The following SLC9A9 variants were observed in gnomAD, a reference collection of about 807,000 sequenced individuals.
SLC9A9 encodes the protein solute carrier family 9 member A9.
A neutral mutation model predicts 77.8 loss-of-function variants in SLC9A9; 62 were observed. The observed-to-expected ratio is 0.80, with a 90% CI of 0.65 to 0.98. SLC9A9 has a LOEUF of 0.98. Among genes scored for constraint, SLC9A9 ranks in the 50% least tolerant of loss-of-function variants. SLC9A9 has a pLI of 0.00. For synonymous variants in SLC9A9, 320 were observed against 283.5 expected, an observed-to-expected ratio of 1.13 and a Z score of -1.29; for missense variants, 775 against 774.9, an observed-to-expected ratio of 1.00 and a Z score of 0.00.
At chr3:143,804,426 C>G (rs1397962216) in intron 2 of SLC9A9, among the ~76,000 whole-genome samples, 1 of 152,178 alleles carries the variant, frequency 6.6e-6, no homozygotes, top group Non-Finnish European at 1.5e-5. Flanking sequence ...AAACCTCCCC[C>G]TCTAAGCAGT....
At chr3:143,766,052 C>T (rs2007302987) in intron 4 of SLC9A9, among the ~76,000 whole-genome samples, 1 of 152,158 alleles carries the variant, frequency 6.6e-6, no homozygotes, top group Non-Finnish European at 1.5e-5. Flanking sequence ...AGAAGAATCA[C>T]CCAGCAGAGC....
intron 6 of SLC9A9, among the ~76,000 whole-genome samples, chr3:143,616,380 A>G (rs1321259234): frequency 6.6e-6 from 1 of 152,174 alleles, no homozygotes; most frequent in Non-Finnish European, 1.5e-5. Context: ...AAGCTTTTTA[A>G]AAACATCCCC....
intron 9 of SLC9A9, among the ~76,000 whole-genome samples, chr3:143,549,937 A>G (rs1007712609): frequency 2.6e-5 from 4 of 152,140 alleles, no homozygotes; most frequent in African/African-American, 9.7e-5. Context: ...CTGAAAGACT[A>G]TATGTTGGAG....
chr3:143,602,440 C>G (rs993913094), intron 6 of SLC9A9, among the ~76,000 whole-genome samples: 1 of 152,160 alleles, frequency 6.6e-6, no homozygotes, highest in African/African-American at 2.4e-5. Flanking sequence ...GTCAATTGCT[C>G]GAAACATTCA....
intron 1 of SLC9A9, among the ~76,000 whole-genome samples, chr3:143,839,277 A>T (rs529611623): frequency 6.6e-6 from 1 of 152,330 alleles, no homozygotes; most frequent in Admixed American, 6.5e-5. Flanking sequence ...ATGATTTCAG[A>T]ACAGGTCTGG....
At chr3:143,742,665 A>G (rs1935101620) in intron 4 of SLC9A9, among the ~76,000 whole-genome samples, 1 of 152,228 alleles carries the variant, frequency 6.6e-6, no homozygotes, top group Admixed American at 6.5e-5. Context: ...CCTGGGACAG[A>G]AAAAGAACAC....
intron 5 of SLC9A9, among the ~76,000 whole-genome samples, chr3:143,690,125 C>G (rs1933412680): frequency 6.6e-6 from 1 of 151,652 alleles, no homozygotes; most frequent in African/African-American, 2.4e-5. Context: ...TAAAAATAAC[C>G]ACAATAAAAT....
At chr3:143,404,971 C>T (rs1179148615) in intron 12 of SLC9A9, among the ~76,000 whole-genome samples, 1 of 152,194 alleles carries the variant, frequency 6.6e-6, no homozygotes, top group Non-Finnish European at 1.5e-5. Flanking sequence ...GTCAGAAAGT[C>T]TTTTCCTCTT....
intron 5 of SLC9A9, among the ~76,000 whole-genome samples, chr3:143,670,652 C>A (rs1439334442): frequency 6.6e-5 from 10 of 152,144 alleles, no homozygotes; most frequent in Admixed American, 2.0e-4. Flanking sequence ...GTACAGGAGA[C>A]CTTAAGCTTT....
chr3:143,653,578 T>TA (rs145006266), intron 5 of SLC9A9, among the ~76,000 whole-genome samples: 3,074 of 152,262 alleles, frequency 0.02, 42 homozygotes, highest in South Asian at 0.045. Flanking sequence ...GAAGGTTTTA[T>TA]AAGTAGGATT....
At chr3:143,317,785 T>C (rs2031270299) in intron 14 of SLC9A9, among the ~76,000 whole-genome samples, 1 of 152,196 alleles carries the variant, frequency 6.6e-6, no homozygotes. Flanking sequence ...TGGAGTGCAG[T>C]GGAGTGATCT....
intron 5 of SLC9A9, among the ~76,000 whole-genome samples, chr3:143,662,408 C>T (rs912263301): frequency 3.3e-5 from 5 of 152,236 alleles, no homozygotes; most frequent in African/African-American, 1.2e-4. Flanking sequence ...CAGGTGATTT[C>T]TGCATTTCCA....
At chr3:143,724,725 G>A (rs976974618) in intron 4 of SLC9A9, among the ~76,000 whole-genome samples, 1 of 152,208 alleles carries the variant, frequency 6.6e-6, no homozygotes, top group Admixed American at 6.5e-5. Flanking sequence ...AGAGTCTAAT[G>A]TGTTAAACAC....
chr3:143,786,859 T>C (rs2008071950), intron 4 of SLC9A9, among the ~76,000 whole-genome samples: 1 of 152,104 alleles, frequency 6.6e-6, no homozygotes, highest in Non-Finnish European at 1.5e-5. Context: ...GCTCTGCTGT[T>C]TTGCAGCTGG....
chr3:143,460,889 T>C (rs899622601), intron 12 of SLC9A9, among the ~76,000 whole-genome samples: 3 of 152,200 alleles, frequency 2.0e-5, no homozygotes, highest in African/African-American at 7.2e-5. Flanking sequence ...AATATTTAGA[T>C]TTATGAAATG....
chr3:143,847,038 T>C (rs1479847799), intron 1 of SLC9A9, among the ~76,000 whole-genome samples: 1 of 152,194 alleles, frequency 6.6e-6, no homozygotes, highest in East Asian at 1.9e-4. Context: ...TATCTCACAG[T>C]GGGATCCACT....
chr3:143,832,710 G>A (rs992440151), intron 1 of SLC9A9, among the ~76,000 whole-genome samples: 1 of 142,100 alleles, frequency 7.0e-6, no homozygotes, highest in African/African-American at 3.0e-5. Context: ...AGGCAATATA[G>A]TTCTTTTTTT....
At chr3:143,506,706 T>A (rs1022675132) in intron 9 of SLC9A9, among the ~76,000 whole-genome samples, 1 of 152,140 alleles carries the variant, frequency 6.6e-6, no homozygotes, top group Non-Finnish European at 1.5e-5. Context: ...AGGACACTTA[T>A]TTGAATGTAA....
chr3:143,412,256 G>T (rs746737179), intron 12 of SLC9A9, among the ~76,000 whole-genome samples: 1 of 151,986 alleles, frequency 6.6e-6, no homozygotes, highest in Non-Finnish European at 1.5e-5. Context: ...AGGTCCTCTG[G>T]ACTCTCTAAC....
Sources: gnomAD v4.1 joint callset for allele counts (sites outside exome capture counted in the v4.1 genomes callset) on GRCh38, gnomAD v4.1.1 for gene constraint, MANE v1.5 for transcripts, NCBI Gene and HGNC (gene_info 2026-07-23, HGNC 2026-07-21) for gene names.